TEX50: variants seen among roughly 807,000 people sequenced by gnomAD.
TEX50 encodes testis expressed 50.
In TEX50, 3 loss-of-function variants were observed where a neutral mutation model predicts 9.8. The observed-to-expected ratio is 0.31, with a 90% CI of 0.14 to 0.79. TEX50 has a LOEUF of 0.79. TEX50 is among the 30% of genes least tolerant of loss of function. The pLI is 0.63. For synonymous variants in TEX50, 61 were observed against 72.1 expected (o/e 0.85, Z 0.78); for missense variants, 164 against 199.3 (o/e 0.82, Z 1.07).
At position 173,636,961 on chromosome 1, in the gene TEX50, C is replaced by A. The variant is rs750372115; in HGVS notation, c.459C>A (p.His153Gln). The change falls in exon 2 of 2, where the codon CAC becomes CAA. Residue 153 changes from histidine (H) to glutamine (Q), a missense_variant. Around this residue, in one of 3 missense-constraint regions of TEX50, gnomAD observed 135 missense variants for 154.2 expected, o/e 0.88. Transcript: ENST00000417563. The part of the protein sequence containing the change: ...VIYKIWEHRS[H>Q]HPSSKKIKHC... Reference sequence around the variant, plus strand: ...ACAAGATCTGGGAGCACAGGTCTCACCATCCTTCCTCTAAGAAAATTAAGC... The same window carrying A: ...ACAAGATCTGGGAGCACAGGTCTCAACATCCTTCCTCTAAGAAAATTAAGC... 2 of 1,535,558 alleles carry A rather than the reference C, an allele frequency of 1.3e-6. No homozygotes were observed. Among genetic ancestry groups the A allele is most frequent in the South Asian group, 1.2e-5 (1 of 84,042 alleles).
chr1:173,636,456 T>C (rs1179095778), intron 1 of TEX50, among the ~76,000 whole-genome samples: 1 of 152,212 alleles, frequency 6.6e-6, no homozygotes, highest in Non-Finnish European at 1.5e-5. Flanking sequence ...TAGATATTTA[T>C]AAATGTTTTC....
intron 1 of TEX50, among the ~76,000 whole-genome samples, 161 bp downstream of exon 1, chr1:173,636,006 A>G (rs553267130): frequency 2.0e-5 from 3 of 152,202 alleles, no homozygotes; most frequent in Non-Finnish European, 4.4e-5. Flanking sequence ...TCTTGCTCAT[A>G]CTAGGTGTTC....
In TEX50 at chr1:173,635,425, C is replaced by T. The variant is rs1464672444; in HGVS notation, c.-97C>T. ...GCTCCTGGTATTTTCTGCTTCCCTT[C>T]GTAGGGAATTTAGTTATTTTATTTT... On this transcript the variant is annotated 5_prime_UTR_variant, in exon 1 of 2. Coordinates refer to ENST00000417563, the MANE Select transcript of TEX50 (RefSeq NM_001195190.3). 3 of 944,344 alleles carry T rather than the reference C, an allele frequency of 3.2e-6. No homozygotes were observed. Among genetic ancestry groups the T allele is most frequent in the African/African-American group, 1.7e-5 (1 of 60,166 alleles). 58.5% of individuals were successfully genotyped at this position (944,344 alleles called of 1,614,324 possible). A position where few individuals can be genotyped will look rare whatever the true frequency, so the allele number is the denominator to read the frequency against.
chr1:173,636,411 A>C (rs1397924491), intron 1 of TEX50, among the ~76,000 whole-genome samples: 1 of 152,216 alleles, frequency 6.6e-6, no homozygotes, highest in Non-Finnish European at 1.5e-5. Context: ...CTTTGATCAA[A>C]AAACAAACAA....
In TEX50 at chr1:173,636,964, T is replaced by A; in HGVS notation, c.462T>A (p.His154Gln). Residue 154 changes from histidine (H) to glutamine (Q), a missense_variant, in exon 2 of 2, where the codon CAT (histidine) becomes CAA (glutamine). Physicochemically the swap from His to Gln is conservative, Grantham distance 24. This residue lies in a region of TEX50 where 135 missense variants were observed against 154.2 expected (regional missense o/e 0.88). Transcript: ENST00000417563. ...AGATCTGGGAGCACAGGTCTCACCA[T>A]CCTTCCTCTAAGAAAATTAAGCACT... ...IYKIWEHRSH[H>Q]PSSKKIKHCK... 6.5e-7 allele frequency: 1 copy of A among 1,535,718 alleles called. No homozygotes were observed. The highest frequency in any genetic ancestry group is 8.7e-7 in the Non-Finnish European group (1 of 1,146,690).
chr1:173,636,733 A>G (rs1403513955), intron 1 of TEX50, 94 bp from the exon 2 acceptor site: 1 of 892,506 alleles, frequency 1.1e-6, no homozygotes, highest in Non-Finnish European at 1.7e-6. Flanking sequence ...TATTTAGAAC[A>G]TAAATTTAAT....
rs1470402934 is a variant in TEX50 at position 173,637,010 on chromosome 1, AAAG to A, written c.515_517del (p.Glu172del). On this transcript the variant is annotated inframe_deletion, in exon 2 of 2. Coordinates refer to ENST00000417563, the MANE Select transcript of TEX50 (RefSeq NM_001195190.3). The stretch of plus-strand genomic sequence containing the variant: ...GCACTGCAAATTAAAGAAGAAGAGT[AAAG>A]AAGAAGGAGCCAGAAGATACTAAAT... 5.2e-6 allele frequency: 8 copies of A among 1,534,238 alleles called. No homozygotes were observed. Among genetic ancestry groups the A allele is most frequent in the African/African-American group, 4.1e-5 (3 of 73,116 alleles).
In TEX50 at chr1:173,637,095, A is replaced by G; in HGVS notation, c.*59A>G. 8.5e-7 allele frequency: 1 copy of G among 1,172,294 alleles called. No individual in the cohort carries two copies. Among genetic ancestry groups the G allele is most frequent in the Non-Finnish European group, 1.2e-6 (1 of 839,172 alleles). 72.6% of individuals were successfully genotyped at this position (1,172,294 alleles called of 1,614,324 possible). Reference sequence around the variant, plus strand: ...ATAGATATCACAAAAGAAATCTATCATCTAAGGATTAAAAATTGTTCTTTG... The same window carrying G: ...ATAGATATCACAAAAGAAATCTATCGTCTAAGGATTAAAAATTGTTCTTTG... On this transcript the variant is annotated 3_prime_UTR_variant, in exon 2 of 2. Transcript: ENST00000417563.
rs771525069 is a variant in TEX50 at position 173,635,497 on chromosome 1, CT to C, written c.-17del. On this transcript the variant is annotated 5_prime_UTR_variant, in exon 1 of 2. Coordinates refer to ENST00000417563, the MANE Select transcript of TEX50 (RefSeq NM_001195190.3). ...TTTTAAAATAGCTAAATTTTAGCTA[CT>C]TTTTTTTCAATTGACAAAGAAGGAT... The C allele has an allele frequency of 2.1e-5, 30 of 1,461,124 alleles. No individual in the cohort carries two copies. Among genetic ancestry groups the C allele is most frequent in the South Asian group, 2.7e-5 (2 of 74,154 alleles). The allele number at this position is 1,461,124 out of a possible 1,614,324, so 90.5% of individuals were successfully genotyped here.
chr1:173,636,786 G>C, intron 1 of TEX50, 41 bp from the exon 2 acceptor site: 1 of 1,409,268 alleles, frequency 7.1e-7, no homozygotes, highest in Non-Finnish European at 9.7e-7. Context: ...GAACTCTACT[G>C]TTTTATGTAG....
rs2102339475 is a variant in TEX50, at chr1:173,635,770, A to G, written c.249A>G (p.Leu83=). The G allele has an allele frequency of 1.3e-6, 2 of 1,535,610 alleles. No homozygotes were observed. The highest frequency in any genetic ancestry group is 1.2e-5 in the South Asian group (1 of 84,040). The change falls in exon 1 of 2, where the codon TTA becomes TTG. Residue 83 remains leucine (L), a synonymous_variant. Transcript: ENST00000417563. ...QGCLYLIYNL[L]QAVFFVLFVL... ...GTTTATATCTCATTTATAATTTATT[A>G]CAAGCTGTCTTCTTCGTCTTATTTG... is the stretch of plus-strand genomic sequence containing the variant.
rs770731893 is a variant in TEX50, at chr1:173,635,778, T to G, written c.257T>G (p.Val86Gly). 2 of 1,535,570 alleles carry G rather than the reference T, an allele frequency of 1.3e-6. No homozygotes were observed. The highest frequency in any genetic ancestry group is 3.9e-5 in the Admixed American group (2 of 50,998). Reference protein sequence around the residue: ...LYLIYNLLQAVFFVLFVLSVH... With the variant: ...LYLIYNLLQAGFFVLFVLSVH... The stretch of plus-strand genomic sequence containing the variant: ...CTCATTTATAATTTATTACAAGCTG[T>G]CTTCTTCGTCTTATTTGTTTTGTCT... Residue 86 changes from valine (V) to glycine (G), a missense_variant, in exon 1 of 2, where the codon GTC (valine) becomes GGC (glycine). Physicochemically the swap from Val to Gly is moderately radical, Grantham distance 109. Coordinates refer to ENST00000417563, the MANE Select transcript of TEX50 (RefSeq NM_001195190.3).
intron 1 of TEX50, among the ~76,000 whole-genome samples, chr1:173,636,415 C>A (rs1668443821): frequency 6.6e-6 from 1 of 152,132 alleles, no homozygotes; most frequent in African/African-American, 2.4e-5. Flanking sequence ...GATCAAAAAA[C>A]AAACAAAACC....
rs983241545 is a variant in TEX50, at chr1:173,635,404, C to T, written c.-118C>T. On this transcript the variant is annotated 5_prime_UTR_variant, in exon 1 of 2. Coordinates refer to ENST00000417563, the MANE Select transcript of TEX50 (RefSeq NM_001195190.3). The stretch of plus-strand genomic sequence containing the variant: ...GAAGCACCATTTTAACTAATAGCTC[C>T]TGGTATTTTCTGCTTCCCTTCGTAG... 3 of 788,474 alleles carry T rather than the reference C, an allele frequency of 3.8e-6. No individual in the cohort carries two copies. Among genetic ancestry groups the T allele is most frequent in the Admixed American group, 3.0e-5 (1 of 33,864 alleles). The allele number at this position is 788,474 out of a possible 1,614,324, so 48.8% of individuals were successfully genotyped here. A position where few individuals can be genotyped will look rare whatever the true frequency, so the allele number is the denominator to read the frequency against.
At chr1:173,636,721 C>T in intron 1 of TEX50, 106 bp from the exon 2 acceptor site, 1 of 809,868 alleles carries the variant, frequency 1.2e-6, no homozygotes, top group African/African-American at 1.7e-5. Flanking sequence ...GGTTTGTTTA[C>T]ATATTTAGAA....
At position 173,635,716 on chromosome 1, in the gene TEX50, C is replaced by A; in HGVS notation, c.195C>A (p.Asp65Glu). Residue 65 changes from aspartate (D) to glutamate (E), a missense_variant, in exon 1 of 2, where the codon GAC becomes GAA. Physicochemically the swap from Asp to Glu is conservative, Grantham distance 45 (BLOSUM62 2). Around this residue, in one of 3 missense-constraint regions of TEX50, gnomAD observed 135 missense variants for 154.2 expected, o/e 0.88. Transcript: ENST00000417563. ...ATCTTCTGGATAAACTATGCTGCGA[C>A]TTTGCTAACATGGATATATTTCAGG... ...LPYLLDKLCC[D>E]FANMDIFQGC... 2.0e-6 allele frequency: 3 copies of A among 1,535,630 alleles called. No individual in the cohort carries two copies. The highest frequency in any genetic ancestry group is 8.7e-7 in the Non-Finnish European group (1 of 1,146,582).
Position 173,635,431 on chromosome 1 carries a change from G to A in TEX50, c.-91G>A. On this transcript the variant is annotated 5_prime_UTR_variant, in exon 1 of 2. Coordinates refer to ENST00000417563, the MANE Select transcript of TEX50 (RefSeq NM_001195190.3). Reference sequence around the variant, plus strand: ...GGTATTTTCTGCTTCCCTTCGTAGGGAATTTAGTTATTTTATTTTATTATT... The same window carrying A: ...GGTATTTTCTGCTTCCCTTCGTAGGAAATTTAGTTATTTTATTTTATTATT... 2 of 976,714 alleles carry A rather than the reference G, an allele frequency of 2.0e-6. No individual in the cohort carries two copies. Among genetic ancestry groups the A allele is most frequent in the Non-Finnish European group, 1.5e-6 (1 of 682,984 alleles). The allele number at this position is 976,714 out of a possible 1,614,324, so 60.5% of individuals were successfully genotyped here. A position where few individuals can be genotyped will look rare whatever the true frequency, so the allele number is the denominator to read the frequency against.
Position 173,635,674 on chromosome 1 carries a change from A to G in TEX50, c.153A>G (p.Pro51=), listed in dbSNP as rs905474537. 8 of 1,535,606 alleles carry G rather than the reference A, an allele frequency of 5.2e-6. No individual in the cohort carries two copies. The highest frequency in any genetic ancestry group is 1.2e-5 in the South Asian group (1 of 84,052). The stretch of plus-strand genomic sequence containing the variant: ...ATTATTGGAAAGTTAAGGGTTCTCC[A>G]TCTCACTGCCTGCCTTATCTTCTGG... ...EVHYWKVKGS[P]SHCLPYLLDK... is the part of the protein sequence containing the mutation. The change falls in exon 1 of 2, where the codon CCA becomes CCG. Residue 51 remains proline (P), a synonymous_variant. Transcript: ENST00000417563.
intron 1 of TEX50, among the ~76,000 whole-genome samples, chr1:173,636,357 T>G (rs1037469414): frequency 1.3e-5 from 2 of 152,202 alleles, no homozygotes; most frequent in African/African-American, 4.8e-5. Flanking sequence ...TTTCCCACTT[T>G]GCCAATAGAT....
Sources: gnomAD v4.1 joint callset for allele counts (sites outside exome capture counted in the v4.1 genomes callset) on GRCh38, gnomAD v4.1.1 for gene constraint, gnomAD v4.1.1 regional missense constraint, MANE v1.5 for transcripts, NCBI Gene and HGNC (gene_info 2026-07-23, HGNC 2026-07-21) for gene names.